The following COL24A1 variants were observed in gnomAD, a reference collection of about 807,000 sequenced individuals.
COL24A1 encodes collagen type XXIV alpha 1 chain, also known as collagen alpha-1(XXIV) chain.
Under a neutral mutation model 253.9 loss-of-function variants are expected in COL24A1, and 224 were observed. The ratio of observed to expected loss-of-function variants is 0.88; its 90% CI spans 0.79 to 0.99. COL24A1 has a LOEUF of 0.99. Among genes scored for constraint, COL24A1 ranks in the 50% least tolerant of loss-of-function variants. The pLI, the probability that COL24A1 is intolerant of heterozygous loss-of-function variation, is 0.00. For synonymous variants in COL24A1, 685 were observed against 673.7 expected (o/e 1.02, Z -0.26); for missense variants, 2,131 against 2,068.5 (o/e 1.03, Z -0.59).
At chr1:85,886,509 C>CA (rs1318747659) in intron 32 of COL24A1, among the ~76,000 whole-genome samples, 6 of 151,050 alleles carry the variant, frequency 4.0e-5, no homozygotes, top group Non-Finnish European at 8.9e-5. Flanking sequence ...ACTAAAAATA[C>CA]AAAAAATTAT....
chr1:85,874,258 T>G (rs187654413), intron 35 of COL24A1, among the ~76,000 whole-genome samples: 4 of 151,360 alleles, frequency 2.6e-5, no homozygotes, highest in Non-Finnish European at 5.9e-5. Context: ...ATAGGTTTGG[T>G]TTTTTTTTAG....
intron 20 of COL24A1, among the ~76,000 whole-genome samples, chr1:85,978,722 G>T (rs1692943289): frequency 6.6e-6 from 1 of 152,158 alleles, no homozygotes; most frequent in Non-Finnish European, 1.5e-5. Context: ...AAATGAGACA[G>T]ATGGTGACAC....
intron 5 of COL24A1, among the ~76,000 whole-genome samples, chr1:86,110,755 C>G (rs1032860110): frequency 6.6e-6 from 1 of 152,158 alleles, no homozygotes; most frequent in African/African-American, 2.4e-5. Flanking sequence ...CTCGAATTCT[C>G]GCTGGGCCTC....
chr1:86,110,599 G>A (rs1220114751), intron 5 of COL24A1, among the ~76,000 whole-genome samples: 1 of 151,948 alleles, frequency 6.6e-6, no homozygotes, highest in Non-Finnish European at 1.5e-5. Context: ...TGCGGCGCTC[G>A]CGAGCGAGCG....
chr1:85,875,451 TAA>T, intron 33 of COL24A1, 121 bp from the exon 34 acceptor site: 2 of 699,984 alleles, frequency 2.9e-6, no homozygotes, highest in Non-Finnish European at 5.0e-6. Context: ...TGTCCCTTTA[TAA>T]ACTTCATAGC....
Position 85,758,907 on chromosome 1 carries a change from G to A in COL24A1, c.4437+2489C>T, listed in dbSNP as rs187768138. Among the ~76,000 whole-genome samples the A allele has an allele frequency of 5.3e-5, 8 of 152,052 alleles. No homozygotes were observed. In the East Asian group the frequency reaches 9.6e-4, roughly 18 times the overall value. On this transcript the variant is annotated intron_variant, in intron 55 of 59. Coordinates refer to ENST00000370571, the MANE Select transcript of COL24A1 (RefSeq NM_152890.7). ...CAGTTGTCTTTAGTAGATTCACAAC[G>A]TTGTTCAACCACTACCATGATAGAA... is the stretch of plus-strand genomic sequence containing the variant.
chr1:85,988,482 T>C (rs540416555), intron 19 of COL24A1, among the ~76,000 whole-genome samples: 62 of 152,034 alleles, frequency 4.1e-4, no homozygotes, highest in Non-Finnish European at 7.4e-4. Context: ...CTGAAATAAT[T>C]AGAGTGTGAT....
chr1:86,022,612 C>G lies in COL24A1; in HGVS notation c.2149-21G>C, dbSNP rs1399465550. Reference sequence around the variant, plus strand: ...TCACCCTGGAAAGCACAATTTCATGCAAAGATACTTATGTATCACAAACAT... The same window carrying G: ...TCACCCTGGAAAGCACAATTTCATGGAAAGATACTTATGTATCACAAACAT... On this transcript the variant is annotated intron_variant, in intron 16 of 59. Transcript: ENST00000370571. The G allele has an allele frequency of 4.4e-6, 7 of 1,606,536 alleles. No individual in the cohort carries two copies. In the African/African-American group the frequency reaches 8.0e-5, roughly 18 times the overall value.
At chr1:85,813,207 T>C (rs1672719652) in intron 47 of COL24A1, among the ~76,000 whole-genome samples, 1 of 152,054 alleles carries the variant, frequency 6.6e-6, no homozygotes, top group African/African-American at 2.4e-5. Flanking sequence ...TGTAGTATAT[T>C]TTTGGGACAG....
chr1:86,110,606 A>C (rs1705461932), intron 5 of COL24A1, among the ~76,000 whole-genome samples: 1 of 151,878 alleles, frequency 6.6e-6, no homozygotes, highest in South Asian at 2.1e-4. Context: ...CTCGCGAGCG[A>C]GCGCGAGTTC....
intron 24 of COL24A1, among the ~76,000 whole-genome samples, chr1:85,913,296 G>A (rs778673384): frequency 5.9e-5 from 9 of 152,148 alleles, no homozygotes; most frequent in Non-Finnish European, 1.0e-4. Context: ...GGCCAGCTAG[G>A]TGACAATACT....
intron 35 of COL24A1, among the ~76,000 whole-genome samples, chr1:85,870,766 C>T (rs1283508113): frequency 6.6e-6 from 1 of 151,986 alleles, no homozygotes; most frequent in Non-Finnish European, 1.5e-5. Flanking sequence ...AAATTAACAC[C>T]CTAACATCAC....
chr1:85,895,975 AAG>A (rs769086251), intron 30 of COL24A1, 44 bp downstream of exon 30: 2 of 1,598,750 alleles, frequency 1.3e-6, no homozygotes, highest in South Asian at 2.3e-5. Flanking sequence ...AAAAACAAAA[AAG>A]ACTTAAAATG....
chr1:86,022,764 T>C, intron 16 of COL24A1, 69 bp downstream of exon 16: 1 of 1,289,798 alleles, frequency 7.8e-7, no homozygotes, highest in East Asian at 2.7e-5. Context: ...ATTTCATAAA[T>C]TGTGTTGACT....
intron 19 of COL24A1, among the ~76,000 whole-genome samples, chr1:85,989,565 C>T (rs1401507140): frequency 2.6e-5 from 4 of 151,936 alleles, no homozygotes; most frequent in Admixed American, 6.6e-5. Flanking sequence ...CCAGACTGAT[C>T]ATTCTATGGA....
intron 23 of COL24A1, among the ~76,000 whole-genome samples, chr1:85,962,632 C>T (rs775707411): frequency 5.9e-5 from 9 of 151,930 alleles, no homozygotes; most frequent in Non-Finnish European, 1.2e-4. Flanking sequence ...AATGAGAAAG[C>T]GTCATTTTTA....
At chr1:86,036,851 A>G (rs35982302) in intron 12 of COL24A1, among the ~76,000 whole-genome samples, 17,435 of 152,230 alleles carry the variant, frequency 0.11, 1,077 homozygotes, top group Middle Eastern at 0.14. Context: ...GTAGAAAATT[A>G]TTATCATTAA....
At chr1:86,049,741 C>A (rs1164860891) in intron 11 of COL24A1, among the ~76,000 whole-genome samples, 1 of 151,984 alleles carries the variant, frequency 6.6e-6, no homozygotes, top group Non-Finnish European at 1.5e-5. Flanking sequence ...AAAAATATAT[C>A]TTCTGAGGCT....
intron 32 of COL24A1, among the ~76,000 whole-genome samples, chr1:85,887,469 A>G (rs1324283464): frequency 1.3e-5 from 2 of 151,460 alleles, no homozygotes; most frequent in Non-Finnish European, 2.9e-5. Flanking sequence ...ATCAGGGGTC[A>G]GCAAACTTTT....
Sources: allele counts gnomAD v4.1 joint callset (sites outside exome capture counted in the v4.1 genomes callset), GRCh38; gene constraint gnomAD v4.1.1; transcripts MANE v1.5; gene names NCBI Gene and HGNC (gene_info 2026-07-23, HGNC 2026-07-21).